Variants in SMCHD1 observed in about 807,000 individuals in gnomAD.
SMCHD1 encodes structural maintenance of chromosomes flexible hinge domain-containing protein 1.
Under a neutral mutation model 254.7 loss-of-function variants are expected in SMCHD1, and 78 were observed. The ratio of observed to expected loss-of-function variants is 0.31; its 90% CI spans 0.26 to 0.37. The LOEUF is 0.37. Ranked by LOEUF, SMCHD1 falls within the 10% of genes least tolerant of loss-of-function variation. SMCHD1 has a pLI of 1.00. For synonymous variants in SMCHD1, 766 were observed against 794.9 expected (o/e 0.96, Z 0.61); for missense variants, 1,840 against 2,408.1 (o/e 0.76, Z 4.94).
chr18:2,792,333 T>C (rs1393501493), intron 45 of SMCHD1, among the ~76,000 whole-genome samples: 1 of 152,236 alleles, frequency 6.6e-6, no homozygotes, highest in Non-Finnish European at 1.5e-5. Flanking sequence ...TGTACAGTTT[T>C]GTAGTCTTGG....
intron 47 of SMCHD1, chr18:2,800,929 T>C (rs1342980032): frequency 6.6e-6 from 1 of 152,156 alleles, no homozygotes; most frequent in Non-Finnish European, 1.5e-5. Context: ...CTAGACCTCT[T>C]TTATAAAATT....
chr18:2,662,024 T>TGGCG (rs2073277881), intron 1 of SMCHD1, among the ~76,000 whole-genome samples: 3 of 143,444 alleles, frequency 2.1e-5, no homozygotes, highest in African/African-American at 8.6e-5. Context: ...CCGGGCGCGG[T>TGGCG]GGCAGGCGCC....
intron 5 of SMCHD1, among the ~76,000 whole-genome samples, chr18:2,675,353 C>T (rs543949824): frequency 6.6e-6 from 1 of 151,352 alleles, no homozygotes; most frequent in African/African-American, 2.4e-5. Context: ...CAACCTCTGC[C>T]TCCCAGGTTC....
At chr18:2,734,672 A>G (rs571064630) in intron 25 of SMCHD1, among the ~76,000 whole-genome samples, 3 of 151,364 alleles carry the variant, frequency 2.0e-5, no homozygotes, top group African/African-American at 7.3e-5. Flanking sequence ...TTAATACAAT[A>G]AAGAACAGAG....
At chr18:2,742,894 C>G (rs534114920) in intron 28 of SMCHD1, among the ~76,000 whole-genome samples, 1 of 152,150 alleles carries the variant, frequency 6.6e-6, no homozygotes, top group African/African-American at 2.4e-5. Context: ...CCAGGCTGGT[C>G]GTGAACTGGG....
intron 39 of SMCHD1, among the ~76,000 whole-genome samples, chr18:2,770,627 GTTTT>G (rs1207489043): frequency 6.6e-6 from 1 of 151,702 alleles, no homozygotes; most frequent in African/African-American, 2.4e-5. Flanking sequence ...TTTGTTTTCT[GTTTT>G]TTGTTTTTTT....
intron 12 of SMCHD1, among the ~76,000 whole-genome samples, chr18:2,701,521 T>G (rs978813294): frequency 6.6e-6 from 1 of 152,208 alleles, no homozygotes; most frequent in South Asian, 2.1e-4. Flanking sequence ...AATGAGAACA[T>G]GTATGAACAA....
intron 19 of SMCHD1, among the ~76,000 whole-genome samples, chr18:2,719,435 T>TA (rs1414749217): frequency 6.6e-6 from 1 of 151,854 alleles, no homozygotes; most frequent in Admixed American, 6.6e-5. Flanking sequence ...TAGCTGAGAT[T>TA]ACAGGTGCCC....
At chr18:2,784,650 T>A (rs2076210492) in intron 45 of SMCHD1, 29 bp downstream of exon 45, 1 of 1,525,686 alleles carries the variant, frequency 6.6e-7, no homozygotes. Context: ...TAAATAGCAA[T>A]TTCTAATTTA....
intron 37 of SMCHD1, among the ~76,000 whole-genome samples, chr18:2,766,128 G>C (rs2075864137): frequency 6.6e-6 from 1 of 152,004 alleles, no homozygotes; most frequent in African/African-American, 2.4e-5. Context: ...CAAGTAGCTG[G>C]TACTACAGGC....
At chr18:2,766,539 C>T (rs540780990) in intron 37 of SMCHD1, among the ~76,000 whole-genome samples, 9 of 152,278 alleles carry the variant, frequency 5.9e-5, no homozygotes, top group Admixed American at 2.6e-4. Flanking sequence ...GAGCAGGGCT[C>T]TAGAATCTGA....
intron 47 of SMCHD1, 60 bp downstream of exon 47, chr18:2,796,581 T>C (rs574475528): frequency 9.0e-7 from 1 of 1,110,786 alleles, no homozygotes; most frequent in East Asian, 2.6e-5. Context: ...TTGGGTCTCA[T>C]GATAGCTTTG....
At chr18:2,768,842 A>G (rs773393575) in intron 37 of SMCHD1, among the ~76,000 whole-genome samples, 3 of 151,498 alleles carry the variant, frequency 2.0e-5, no homozygotes, top group Non-Finnish European at 4.4e-5. Context: ...ACATGTTTGC[A>G]TTTATGTAAG....
At chr18:2,690,090 G>T (rs1440852850) in intron 7 of SMCHD1, among the ~76,000 whole-genome samples, 1 of 152,052 alleles carries the variant, frequency 6.6e-6, no homozygotes, top group Non-Finnish European at 1.5e-5. Context: ...CAACTTGTAG[G>T]AAACTTTATA....
intron 21 of SMCHD1, among the ~76,000 whole-genome samples, chr18:2,726,150 T>A (rs1251587393): frequency 6.6e-6 from 1 of 151,934 alleles, no homozygotes; most frequent in Non-Finnish European, 1.5e-5. Context: ...ATTCAGAGGT[T>A]ATGCCTTTTG....
At chr18:2,764,899 G>A (rs1223659649) in intron 37 of SMCHD1, among the ~76,000 whole-genome samples, 9 of 152,128 alleles carry the variant, frequency 5.9e-5, no homozygotes, top group Non-Finnish European at 8.8e-5. Flanking sequence ...AGCAGAATGC[G>A]TTAGAGATAG....
intron 34 of SMCHD1, 62 bp downstream of exon 34, chr18:2,752,614 G>T: frequency 9.2e-7 from 1 of 1,086,062 alleles, no homozygotes. Flanking sequence ...TTCAACCCTG[G>T]AGATATATGT....
rs905551637 is a variant in SMCHD1 at position 2,698,123 on chromosome 18, T to C, written c.1342+82T>C. On this transcript the variant is annotated intron_variant, in intron 10 of 47. Transcript: ENST00000320876. ...TTTGTTTTTCTAAATGATTATCGGT[T>C]GGGTTATTCAGGTTAGATAAATATT... 9 of 1,117,098 alleles carry C rather than the reference T, an allele frequency of 8.1e-6. No individual in the cohort carries two copies. In the Admixed American group the frequency reaches 1.9e-4, roughly 24 times the overall value. The allele number at this position is 1,117,098 out of a possible 1,614,324, so 69.2% of individuals were successfully genotyped here.
chr18:2,659,377 C>G (rs1296498511), intron 1 of SMCHD1, among the ~76,000 whole-genome samples: 1 of 152,166 alleles, frequency 6.6e-6, no homozygotes, highest in East Asian at 1.9e-4. Flanking sequence ...CTTGGCCTCC[C>G]AAAGTGCTGG....
Sources: gnomAD v4.1 joint callset for allele counts (sites outside exome capture counted in the v4.1 genomes callset) on GRCh38, gnomAD v4.1.1 for gene constraint, MANE v1.5 for transcripts, NCBI Gene and HGNC (gene_info 2026-07-23, HGNC 2026-07-21) for gene names.